The following PRKN variants were observed in gnomAD, a reference collection of about 807,000 sequenced individuals.
PRKN encodes E3 ubiquitin-protein ligase parkin.
A neutral mutation model predicts 59.5 loss-of-function variants in PRKN; 56 were observed. The observed-to-expected ratio is 0.94, with a 90% confidence interval of 0.76 to 1.18. The LOEUF is 1.18. Among genes scored for constraint, PRKN ranks in the 50% most tolerant of loss-of-function variants. The pLI is 0.00. For missense variants in PRKN, 657 were observed against 596.4 expected (o/e 1.10, Z -1.06); for synonymous variants, 250 against 222.1 (o/e 1.13, Z -1.12).
At chr6:161,945,389 A>G (rs1465802432) in intron 6 of PRKN, among the ~76,000 whole-genome samples, 3 of 152,156 alleles carry the variant, frequency 2.0e-5, no homozygotes, top group African/African-American at 7.2e-5. Context: ...TCTTTGAATG[A>G]GTACAGTGGT....
chr6:162,216,551 A>C (rs1169764110), intron 3 of PRKN, among the ~76,000 whole-genome samples: 18 of 150,766 alleles, frequency 1.2e-4, no homozygotes, highest in Middle Eastern at 3.4e-3. Flanking sequence ...AAAAAAAAAA[A>C]AAAAAAAAAA....
At chr6:162,498,240 A>C (rs1177013690) in intron 1 of PRKN, among the ~76,000 whole-genome samples, 1 of 152,000 alleles carries the variant, frequency 6.6e-6, no homozygotes, top group Non-Finnish European at 1.5e-5. Flanking sequence ...TCTCCTGTAC[A>C]TCTTATCCTT....
Position 161,505,669 on chromosome 6 carries a change from T to G in PRKN, c.1083+43185A>C, listed in dbSNP as rs1454478805. On this transcript the variant is annotated intron_variant, in intron 9 of 11. Coordinates refer to ENST00000366898, the MANE Select transcript of PRKN (RefSeq NM_004562.3). ...TTTTTATGGTTTTAGGTCTAACGTTTAAGTCTTTAATCCATCTTGAATTGA... is the reference window on the plus strand; with the variant it reads ...TTTTTATGGTTTTAGGTCTAACGTTGAAGTCTTTAATCCATCTTGAATTGA... 4.0e-3 allele frequency among the ~76,000 whole-genome samples: 573 copies of G among 144,336 alleles called. 6 individuals are homozygous for G. The highest frequency in any genetic ancestry group is 0.017 in the Middle Eastern group (5 of 292). The allele number at this position is 144,336 out of a possible 152,430, so 94.7% of individuals were successfully genotyped here. A position where few individuals can be genotyped will look rare whatever the true frequency, so the allele number is the denominator to read the frequency against.
rs566903501 is a variant in PRKN at position 161,447,601 on chromosome 6, C to T, written c.1084-60724G>A. ...CTCCGCCTCCCGGGTTCAAGCGATGCTCCTGCCTCAGCCTCCCGAGTAGCT... is the reference window on the plus strand; with the variant it reads ...CTCCGCCTCCCGGGTTCAAGCGATGTTCCTGCCTCAGCCTCCCGAGTAGCT... On this transcript the variant is annotated intron_variant, in intron 9 of 11. Coordinates refer to ENST00000366898, the MANE Select transcript of PRKN (RefSeq NM_004562.3). This position sits in a 1 kb window ranked among gnomAD's most constrained non-coding sequence, Gnocchi z 4.1. Among the ~76,000 whole-genome samples, 5 of 152,222 alleles carry T rather than the reference C, an allele frequency of 3.3e-5. No homozygotes were observed. In the East Asian group the frequency reaches 9.7e-4, roughly 29 times the overall value.
intron 4 of PRKN, among the ~76,000 whole-genome samples, chr6:162,158,247 G>C (rs554167025): frequency 2.0e-5 from 3 of 151,988 alleles, no homozygotes; most frequent in Middle Eastern, 3.4e-3. Context: ...CTGTCTCAAC[G>C]GTTGTTCTCT....
At chr6:161,568,916 G>A (rs1163536571) in intron 8 of PRKN, among the ~76,000 whole-genome samples, 1 of 151,006 alleles carries the variant, frequency 6.6e-6, no homozygotes, top group African/African-American at 2.4e-5. Flanking sequence ...GTTCATACCC[G>A]TGTACAAAAG....
intron 1 of PRKN, among the ~76,000 whole-genome samples, chr6:162,515,002 CA>C (rs1374006313): frequency 2.0e-5 from 3 of 151,264 alleles, no homozygotes; most frequent in Non-Finnish European, 2.9e-5. Context: ...TTATTCTAGA[CA>C]ACTAGAGACT....
At chr6:162,067,144 TAGAA>T (rs563302906) in intron 4 of PRKN, among the ~76,000 whole-genome samples, 1 of 152,320 alleles carries the variant, frequency 6.6e-6, no homozygotes, top group East Asian at 1.9e-4. Flanking sequence ...AGCAACAATA[TAGAA>T]AGAGTCTGGG....
At chr6:162,290,595 ACT>A (rs1046343863) in intron 2 of PRKN, among the ~76,000 whole-genome samples, 4 of 152,146 alleles carry the variant, frequency 2.6e-5, no homozygotes, top group African/African-American at 7.2e-5. Flanking sequence ...ATATTTCTCC[ACT>A]GAGTTAGTAA....
rs57667873 is a variant in PRKN at position 162,179,389 on chromosome 6, G to A, written c.534+21742C>T. ...TGTGCCATGGCAGATGGACTGCCGG[G>A]GCTCCACCTGGTTTTGGAACCTGCA... On this transcript the variant is annotated intron_variant, in intron 4 of 11. Transcript: ENST00000366898. 5.7e-3 allele frequency among the ~76,000 whole-genome samples: 875 copies of A among 152,228 alleles called. 11 individuals are homozygous for A. Among genetic ancestry groups the A allele is most frequent in the African/African-American group, 0.02 (843 of 41,546 alleles).
At chr6:161,608,167 A>G (rs1363197448) in intron 7 of PRKN, among the ~76,000 whole-genome samples, 1 of 152,114 alleles carries the variant, frequency 6.6e-6, no homozygotes, top group East Asian at 1.9e-4. Context: ...CATGTCTCCA[A>G]TTGGAAAAAT....
intron 9 of PRKN, among the ~76,000 whole-genome samples, chr6:161,539,231 T>A (rs1779532639): frequency 6.6e-6 from 1 of 152,246 alleles, no homozygotes; most frequent in Non-Finnish European, 1.5e-5. Context: ...ATCACTGATT[T>A]GCATTGGCTG....
At position 161,361,084 on chromosome 6, in the gene PRKN, C is replaced by A. The variant is rs1384441359; in HGVS notation, c.1168-879G>T. On this transcript the variant is annotated intron_variant, in intron 10 of 11. Coordinates refer to ENST00000366898, the MANE Select transcript of PRKN (RefSeq NM_004562.3). This position sits in a 1 kb window ranked among gnomAD's most constrained non-coding sequence, Gnocchi z 5.2. ...GGAGGTTTTCTGGTGGGGGTGGAAG[C>A]AAGAGGTCCTGGGCTAGCTGTGCTT... Among the ~76,000 whole-genome samples, 3 of 151,864 alleles carry A rather than the reference C, an allele frequency of 2.0e-5. No homozygotes were observed. Among genetic ancestry groups the A allele is most frequent in the Non-Finnish European group, 4.4e-5 (3 of 67,982 alleles).
At chr6:161,946,414 A>ACACACACACACACTCTCTCTCT (rs1247187053) in intron 6 of PRKN, among the ~76,000 whole-genome samples, 6 of 114,446 alleles carry the variant, frequency 5.2e-5, no homozygotes, top group South Asian at 3.6e-4. Context: ...ACACACACAC[A>ACACACACACACACTCTCTCTCT]CTCTCTCTCT....
intron 4 of PRKN, among the ~76,000 whole-genome samples, chr6:162,151,521 T>C (rs1336031465): frequency 6.6e-6 from 1 of 152,220 alleles, no homozygotes. Context: ...TTATCTAGCC[T>C]ATAGAAATCT....
intron 5 of PRKN, among the ~76,000 whole-genome samples, chr6:161,976,813 AATAG>A (rs1781050771): frequency 1.3e-5 from 2 of 152,350 alleles, no homozygotes; most frequent in African/African-American, 4.8e-5. Context: ...TATACAGATA[AATAG>A]ATAGAAAGCA....
At chr6:161,939,842 T>C (rs1779492894) in intron 6 of PRKN, among the ~76,000 whole-genome samples, 2 of 152,306 alleles carry the variant, frequency 1.3e-5, no homozygotes, top group South Asian at 4.1e-4. Context: ...TTTTTTTATT[T>C]TAAAAAATTA....
intron 7 of PRKN, among the ~76,000 whole-genome samples, chr6:161,730,044 T>C (rs914797564): frequency 1.3e-5 from 2 of 152,280 alleles, no homozygotes; most frequent in East Asian, 3.8e-4. Context: ...TGTTGTATTC[T>C]TTCTGGTGTG....
intron 1 of PRKN, among the ~76,000 whole-genome samples, chr6:162,705,811 C>T (rs1778318745): frequency 6.6e-6 from 1 of 152,160 alleles, no homozygotes; most frequent in South Asian, 2.1e-4. Flanking sequence ...ATAGTTCCTG[C>T]TGTTTCCTAT....
Sources: allele counts gnomAD v4.1 joint callset (sites outside exome capture counted in the v4.1 genomes callset), GRCh38; gene constraint gnomAD v4.1.1; non-coding constraint Gnocchi (gnomAD v3.1); transcripts MANE v1.5; gene names NCBI Gene and HGNC (gene_info 2026-07-23, HGNC 2026-07-21).